Variants in AGAP1 observed in about 807,000 individuals in gnomAD.
The protein encoded by AGAP1 is arf-GAP with GTPase, ANK repeat and PH domain-containing protein 1.
Under a neutral mutation model 105.3 loss-of-function variants are expected in AGAP1, and 29 were observed. The ratio of observed to expected loss-of-function variants is 0.28; its 90% CI spans 0.21 to 0.38. AGAP1 has a LOEUF of 0.38. Ranked by LOEUF, AGAP1 falls within the 10% of genes least tolerant of loss-of-function variation. The pLI is 1.00. For missense variants in AGAP1, 998 were observed against 1,165.1 expected (o/e 0.86, Z 2.09); for synonymous variants, 509 against 485.9 (o/e 1.05, Z -0.63).
Position 236,124,365 on chromosome 2 carries a change from A to C in AGAP1, c.*243A>C. ...TTTCATAAACTCCCCTAAACCACAC[A>C]CAGGAGAGAGCGACGGGCCTCGGCC... On this transcript the variant is annotated 3_prime_UTR_variant, in exon 18 of 18. Coordinates refer to ENST00000304032, the MANE Select transcript of AGAP1 (RefSeq NM_001037131.3). The surrounding 1 kb of genome is among the most constrained non-coding windows in gnomAD (Gnocchi z 5.1). The C allele has an allele frequency of 1.3e-5, 7 of 547,158 alleles. No homozygotes were observed. Among genetic ancestry groups the C allele is most frequent in the Non-Finnish European group, 2.0e-5 (6 of 304,288 alleles). The allele number at this position is 547,158 out of a possible 1,614,324, so 33.9% of individuals were successfully genotyped here. A position where few individuals can be genotyped will look rare whatever the true frequency, so the allele number is the denominator to read the frequency against.
chr2:235,534,395 G>C (rs144918876), intron 1 of AGAP1, among the ~76,000 whole-genome samples: 2 of 152,294 alleles, frequency 1.3e-5, no homozygotes, highest in Non-Finnish European at 2.9e-5. Context: ...GCATCCATCT[G>C]AGGACTCATT....
intron 1 of AGAP1, among the ~76,000 whole-genome samples, chr2:235,606,677 G>C (rs1209686087): frequency 6.6e-6 from 1 of 152,044 alleles, no homozygotes; most frequent in East Asian, 1.9e-4. Context: ...TTTTGGCTTG[G>C]TGGCTCACGC....
At chr2:235,943,820 C>T (rs2053372150) in intron 12 of AGAP1, among the ~76,000 whole-genome samples, 1 of 152,188 alleles carries the variant, frequency 6.6e-6, no homozygotes, top group African/African-American at 2.4e-5. Flanking sequence ...AGCAAGCCCA[C>T]TGTCCAGCTT....
chr2:235,749,981 T>C (rs1953297063), intron 5 of AGAP1, among the ~76,000 whole-genome samples: 1 of 152,098 alleles, frequency 6.6e-6, no homozygotes, highest in African/African-American at 2.4e-5. Flanking sequence ...AGAATGCCAG[T>C]GTAGGGAGTA....
At chr2:236,067,821 A>G (rs968554047) in intron 16 of AGAP1, among the ~76,000 whole-genome samples, 2 of 152,164 alleles carry the variant, frequency 1.3e-5, no homozygotes, top group African/African-American at 4.8e-5. Flanking sequence ...AGTCTCATGG[A>G]ATCCAAAGAG....
At chr2:235,827,853 G>A (rs368278724) in intron 9 of AGAP1, among the ~76,000 whole-genome samples, 5 of 152,206 alleles carry the variant, frequency 3.3e-5, no homozygotes, top group African/African-American at 7.2e-5. Context: ...AATGCTTTGC[G>A]CCTGCTGGGA....
chr2:235,871,303 C>T (rs1055083244), intron 9 of AGAP1, among the ~76,000 whole-genome samples: 1 of 152,224 alleles, frequency 6.6e-6, no homozygotes, highest in African/African-American at 2.4e-5. Flanking sequence ...GACCTCCTCT[C>T]TCTCCTCCCG....
chr2:235,915,273 A>AGAGT (rs955947402), intron 11 of AGAP1, among the ~76,000 whole-genome samples: 2 of 152,240 alleles, frequency 1.3e-5, no homozygotes, highest in Non-Finnish European at 2.9e-5. Context: ...GATCTTAGTA[A>AGAGT]GAGTGACATT....
chr2:236,106,150 A>C (rs1392149565), intron 16 of AGAP1, among the ~76,000 whole-genome samples: 1 of 152,258 alleles, frequency 6.6e-6, no homozygotes, highest in Non-Finnish European at 1.5e-5. Flanking sequence ...CCTAGGCATC[A>C]GGATGTCTGC....
At chr2:235,943,597 G>A (rs1028474115) in intron 12 of AGAP1, among the ~76,000 whole-genome samples, 1 of 152,132 alleles carries the variant, frequency 6.6e-6, no homozygotes, top group African/African-American at 2.4e-5. Context: ...TGATCCACCT[G>A]CCTCGGCCTC....
At chr2:235,508,413 C>T (rs771252675) in intron 1 of AGAP1, among the ~76,000 whole-genome samples, 1 of 152,186 alleles carries the variant, frequency 6.6e-6, no homozygotes, top group Non-Finnish European at 1.5e-5. Flanking sequence ...CTCCGCAGTT[C>T]GCAGCTCTCC....
intron 7 of AGAP1, among the ~76,000 whole-genome samples, chr2:235,798,544 TATGGC>T (rs1957347169): frequency 6.6e-6 from 1 of 152,106 alleles, no homozygotes; most frequent in Admixed American, 6.5e-5. Context: ...GCCAGTAAGT[TATGGC>T]ATGTATTGTC....
At chr2:236,066,024 G>A (rs2058335487) in intron 16 of AGAP1, among the ~76,000 whole-genome samples, 1 of 152,158 alleles carries the variant, frequency 6.6e-6, no homozygotes, top group South Asian at 2.1e-4. Context: ...GCCCTCAGTG[G>A]GATGTGCCCT....
intron 6 of AGAP1, among the ~76,000 whole-genome samples, chr2:235,771,999 C>CTT (rs961967325): frequency 3.7e-5 from 5 of 135,106 alleles, no homozygotes; most frequent in African/African-American, 8.2e-5. Context: ...CTTTTCTTAT[C>CTT]TTTTTTTTTT....
chr2:235,831,794 G>C (rs1321498203), intron 9 of AGAP1, among the ~76,000 whole-genome samples: 2 of 152,192 alleles, frequency 1.3e-5, no homozygotes, highest in African/African-American at 4.8e-5. Context: ...TTTTTGTGTG[G>C]ACCTAAGTTT....
chr2:235,529,705 C>T (rs1207352582), intron 1 of AGAP1, among the ~76,000 whole-genome samples: 1 of 152,230 alleles, frequency 6.6e-6, no homozygotes, highest in Non-Finnish European at 1.5e-5. Context: ...CATTTGTCTA[C>T]ATGTGAATCC....
chr2:235,586,763 A>T lies in AGAP1; in HGVS notation c.163+91914A>T, dbSNP rs554654976. ...TGACAAAGCTGTTCCATCAGAGGAA[A>T]CATAGTCTGGGGGACAAATCCTCCC... On this transcript the variant is annotated intron_variant, in intron 1 of 17. Coordinates refer to ENST00000304032, the MANE Select transcript of AGAP1 (RefSeq NM_001037131.3). This position sits in a 1 kb window ranked among gnomAD's most constrained non-coding sequence, Gnocchi z 4.2. Among the ~76,000 whole-genome samples, 1 of 152,224 alleles carries T rather than the reference A, an allele frequency of 6.6e-6. No individual in the cohort carries two copies.
chr2:235,791,063 CTGAAAACACAGATCATA>C (rs1333623747), intron 6 of AGAP1, among the ~76,000 whole-genome samples: 1 of 152,202 alleles, frequency 6.6e-6, no homozygotes, highest in Non-Finnish European at 1.5e-5. Context: ...TTCTTTATCG[CTGAAAACACAGATCATA>C]TGAAAACACA....
chr2:235,524,225 T>A (rs1196953700), intron 1 of AGAP1: 1 of 154,114 alleles, frequency 6.5e-6, no homozygotes, highest in African/African-American at 2.4e-5. Context: ...TGGGCTGTGA[T>A]CAGAAGTCCT....
Sources: gnomAD v4.1 joint callset for allele counts (sites outside exome capture counted in the v4.1 genomes callset) on GRCh38, gnomAD v4.1.1 for gene constraint, Gnocchi (gnomAD v3.1) non-coding constraint, MANE v1.5 for transcripts, NCBI Gene and HGNC (gene_info 2026-07-23, HGNC 2026-07-21) for gene names.